FSIP2: variants seen among roughly 807,000 people sequenced by gnomAD.
The protein encoded by FSIP2 is fibrous sheath-interacting protein 2.
In FSIP2, 367 loss-of-function variants were observed where a neutral mutation model predicts 510.5. That is an observed-to-expected ratio of 0.72 (90% confidence interval 0.66 to 0.78). The LOEUF is 0.78. FSIP2 is among the 30% of genes least tolerant of loss of function. FSIP2 has a pLI of 0.00. For missense variants in FSIP2, 7,594 were observed against 7,901.7 expected, an observed-to-expected ratio of 0.96 and a Z score of 1.48; for synonymous variants, 2,601 against 2,732.2, an observed-to-expected ratio of 0.95 and a Z score of 1.50.
At chr2:185,813,246 A>G (rs1420879095) in intron 17 of FSIP2, among the ~76,000 whole-genome samples, 1 of 152,028 alleles carries the variant, frequency 6.6e-6, no homozygotes, top group East Asian at 1.9e-4. Flanking sequence ...CAAAACTTTC[A>G]AGGTACATGA....
intron 6 of FSIP2, among the ~76,000 whole-genome samples, chr2:185,747,015 T>C (rs935609742): frequency 3.9e-5 from 6 of 152,120 alleles, no homozygotes; most frequent in Admixed American, 6.6e-5. Context: ...TATAAGCCAA[T>C]TTCTGCTCTT....
At chr2:185,771,511 G>T (rs1310932082) in intron 13 of FSIP2, among the ~76,000 whole-genome samples, 1 of 152,122 alleles carries the variant, frequency 6.6e-6, no homozygotes, top group Non-Finnish European at 1.5e-5. Context: ...ATTGTACCTG[G>T]GCCCTTTGAG....
Position 185,793,578 on chromosome 2 carries a change from C to A in FSIP2, c.6442C>A (p.Pro2148Thr). The A allele has an allele frequency of 6.5e-7, 1 of 1,534,148 alleles. No homozygotes were observed. The highest frequency in any genetic ancestry group is 8.7e-7 in the Non-Finnish European group (1 of 1,145,620). Residue 2148 changes from proline (P) to threonine (T), a missense_variant, in exon 16 of 23, where the codon CCT becomes ACT. By Grantham distance (38) the Pro-to-Thr change is conservative. Transcript: ENST00000424728. ...TAAGATTATTCCTAAGCTTTCAGTT[C>A]CTAAATCAGATGTCATTTTGATATC... ...ANKIIPKLSV[P>T]KSDVILISND...
rs560325935 is a variant in FSIP2 at position 185,770,241 on chromosome 2, G to C, written c.1411+5676G>C. Among the ~76,000 whole-genome samples, 16 of 152,124 alleles carry C rather than the reference G, an allele frequency of 1.1e-4. No individual in the cohort carries two copies. In the South Asian group the frequency reaches 2.9e-3, roughly 28 times the overall value. On this transcript the variant is annotated intron_variant, in intron 13 of 22. Coordinates refer to ENST00000424728, the MANE Select transcript of FSIP2 (RefSeq NM_173651.4). Reference sequence around the variant, plus strand: ...TTTCTACTTGTTTGTGTCATCTCTGGTTTCTTTGAGCAGTGTTTTGTAATT... The same window carrying C: ...TTTCTACTTGTTTGTGTCATCTCTGCTTTCTTTGAGCAGTGTTTTGTAATT...
intron 5 of FSIP2, among the ~76,000 whole-genome samples, chr2:185,746,458 GGAGA>G (rs1692036225): frequency 6.6e-6 from 1 of 152,004 alleles, no homozygotes; most frequent in African/African-American, 2.4e-5. Flanking sequence ...CTTGTGTAGT[GGAGA>G]GACCTTATAA....
In FSIP2 at chr2:185,804,345, C is replaced by A; in HGVS notation, c.15039C>A (p.Phe5013Leu). The change falls in exon 17 of 23, where the codon TTC becomes TTA. Residue 5013 changes from phenylalanine to leucine, a missense_variant. Transcript: ENST00000424728. ...ATAACTTTGATAAAAATTTGTGTTT[C>A]TCAGAAAGATACAAAGAAATGGTTC... ...VADNFDKNLC[F>L]SERYKEMVQK... is the part of the protein sequence containing the mutation. The A allele has an allele frequency of 6.6e-7, 1 of 1,505,168 alleles. No individual in the cohort carries two copies. Among genetic ancestry groups the A allele is most frequent in the Non-Finnish European group, 8.8e-7 (1 of 1,134,446 alleles). 93.2% of individuals were successfully genotyped at this position (1,505,168 alleles called of 1,614,324 possible). A position where few individuals can be genotyped will look rare whatever the true frequency, so the allele number is the denominator to read the frequency against.
chr2:185,787,032 G>A (rs1019429), intron 15 of FSIP2, among the ~76,000 whole-genome samples: 75,885 of 151,404 alleles, frequency 0.5, 19,521 homozygotes, highest in South Asian at 0.64. Flanking sequence ...TCTCTTCGCC[G>A]TAACTAACCT....
Position 185,793,375 on chromosome 2 carries a change from C to A in FSIP2, c.6239C>A (p.Thr2080Asn). 6.5e-7 allele frequency: 1 copy of A among 1,533,714 alleles called. No homozygotes were observed. Among genetic ancestry groups the A allele is most frequent in the Non-Finnish European group, 8.7e-7 (1 of 1,145,414 alleles). The change falls in exon 16 of 23, where the codon ACC (threonine) becomes AAC (asparagine). Residue 2080 changes from threonine (T) to asparagine (N), a missense_variant. Coordinates refer to ENST00000424728, the MANE Select transcript of FSIP2 (RefSeq NM_173651.4). ...GTTATTGAAAAGCTGCTCAATGAGA[C>A]CAAATATCGAAAAGTACTTCAACTT... ...KGVIEKLLNE[T>N]KYRKVLQLQI...
chr2:185,756,330 G>T (rs1191498665), intron 9 of FSIP2, 52 bp downstream of exon 9: 19 of 640,666 alleles, frequency 3.0e-5, no homozygotes, highest in Non-Finnish European at 2.4e-5. Context: ...TAATTTGGGG[G>T]AAAGACAGTT....
Position 185,800,649 on chromosome 2 carries a change from G to T in FSIP2, c.11343G>T (p.Glu3781Asp). The change falls in exon 17 of 23, where the codon GAG (glutamate) becomes GAT (aspartate). Residue 3781 changes from glutamate to aspartate, a missense_variant. Glu to Asp is a conservative substitution (Grantham distance 45). Coordinates refer to ENST00000424728, the MANE Select transcript of FSIP2 (RefSeq NM_173651.4). ...TAFPDKGSVSEETSAEECQLL... is the reference protein window; with the variant it reads ...TAFPDKGSVSDETSAEECQLL... ...TTCCTGATAAAGGGTCTGTTTCAGA[G>T]GAAACATCAGCAGAAGAATGTCAAC... The T allele has an allele frequency of 6.5e-7, 1 of 1,534,056 alleles. No individual in the cohort carries two copies. The highest frequency in any genetic ancestry group is 8.7e-7 in the Non-Finnish European group (1 of 1,145,616).
intron 19 of FSIP2, 46 bp downstream of exon 19, chr2:185,815,517 G>T: frequency 1.1e-6 from 1 of 916,956 alleles, no homozygotes; most frequent in South Asian, 1.7e-5. Flanking sequence ...TGATAAAGTA[G>T]AGCTTATGAG....
rs1355763561 is a variant in FSIP2, at chr2:185,790,221, G to A, written c.3085G>A (p.Glu1029Lys). ...TFKDEKVKSQEQIPNHWFTKG... is the reference protein window; with the variant it reads ...TFKDEKVKSQKQIPNHWFTKG... ...CAAAGATGAAAAAGTAAAATCACAA[G>A]AACAGATTCCTAATCATTGGTTTAC... Residue 1029 changes from glutamate to lysine, a missense_variant, in exon 16 of 23, where the codon GAA (glutamate) becomes AAA (lysine). Glu to Lys is a moderately conservative substitution (Grantham distance 56). Transcript: ENST00000424728. 1 of 1,531,820 alleles carries A rather than the reference G, an allele frequency of 6.5e-7. No individual in the cohort carries two copies. Among genetic ancestry groups the A allele is most frequent in the Admixed American group, 2.0e-5 (1 of 50,402 alleles). The allele number at this position is 1,531,820 out of a possible 1,614,324, so 94.9% of individuals were successfully genotyped here.
In FSIP2 at chr2:185,789,927, A is replaced by G. The variant is rs1420090185; in HGVS notation, c.2791A>G (p.Thr931Ala). ...NNERIIASEE[T>A]VVLLQLLEDI... Reference sequence around the variant, plus strand: ...TGAGAGAATTATTGCATCTGAAGAAACCGTAGTACTCCTTCAGCTACTTGA... The same window carrying G: ...TGAGAGAATTATTGCATCTGAAGAAGCCGTAGTACTCCTTCAGCTACTTGA... Residue 931 changes from threonine to alanine, a missense_variant, in exon 16 of 23, where the codon ACC (threonine) becomes GCC (alanine). Coordinates refer to ENST00000424728, the MANE Select transcript of FSIP2 (RefSeq NM_173651.4). 7 of 1,533,726 alleles carry G rather than the reference A, an allele frequency of 4.6e-6. No individual in the cohort carries two copies. The Admixed American group carries it at 1.4e-4, about 30-fold the overall frequency.
chr2:185,827,240 C>A (rs1391228755), intron 20 of FSIP2, among the ~76,000 whole-genome samples: 1 of 151,784 alleles, frequency 6.6e-6, no homozygotes, highest in African/African-American at 2.4e-5. Flanking sequence ...CATATTTGAG[C>A]TGATTGAGAT....
rs1175317289 is a variant in FSIP2 at position 185,738,856 on chromosome 2, G to A, written c.-39G>A. On this transcript the variant is annotated 5_prime_UTR_variant, in exon 1 of 23. Transcript: ENST00000424728. ...CAACGGGGTGCTAGAGAAGGAGAGC[G>A]GGGCGGGTGAGGAAGGGGCTGAGGG... 8 of 1,530,046 alleles carry A rather than the reference G, an allele frequency of 5.2e-6. No individual in the cohort carries two copies. The African/African-American group carries it at 9.8e-5, about 19-fold the overall frequency. 94.8% of individuals were successfully genotyped at this position (1,530,046 alleles called of 1,614,324 possible).
Position 185,745,417 on chromosome 2 carries a change from T to C in FSIP2, c.478-12T>C. On this transcript the variant is annotated splice_polypyrimidine_tract_variant and intron_variant, in intron 4 of 22. Coordinates refer to ENST00000424728, the MANE Select transcript of FSIP2 (RefSeq NM_173651.4). ...GCATTATATATATGTAATACACACA[T>C]TTCTTAAATAGAGAATACTTGCAAA... 6.7e-7 allele frequency: 1 copy of C among 1,496,976 alleles called. No individual in the cohort carries two copies. Among genetic ancestry groups the C allele is most frequent in the Non-Finnish European group, 9.0e-7 (1 of 1,114,214 alleles). 92.7% of individuals were successfully genotyped at this position (1,496,976 alleles called of 1,614,324 possible).
chr2:185,806,967 A>C lies in FSIP2; in HGVS notation c.17661A>C (p.Ala5887=). The C allele has an allele frequency of 1.2e-6, 2 of 1,611,186 alleles. No individual in the cohort carries two copies. Among genetic ancestry groups the C allele is most frequent in the Non-Finnish European group, 1.7e-6 (2 of 1,178,650 alleles). Residue 5887 remains alanine (A), a synonymous_variant, in exon 17 of 23, where the codon GCA becomes GCC. Transcript: ENST00000424728. The part of the protein sequence containing the change: ...EAPSSIKIKS[A]DKMPPMHKMM... ...CATCCAGCATTAAGATAAAATCTGCAGATAAAATGCCACCTATGCATAAAA... is the reference window on the plus strand; with the variant it reads ...CATCCAGCATTAAGATAAAATCTGCCGATAAAATGCCACCTATGCATAAAA...
At chr2:185,746,841 G>GA (rs1692043727) in intron 6 of FSIP2, 31 bp downstream of exon 6, 4 of 1,394,894 alleles carry the variant, frequency 2.9e-6, no homozygotes, top group Non-Finnish European at 3.8e-6. Context: ...AATATTAACA[G>GA]AAAAATTGTG....
intron 11 of FSIP2, 128 bp downstream of exon 11, chr2:185,762,145 A>C (rs1432550830): frequency 5.9e-6 from 3 of 506,144 alleles, no homozygotes; most frequent in African/African-American, 1.9e-5. Flanking sequence ...GGCTGATATA[A>C]ATTTTTTATG....
Sources: gnomAD v4.1 joint callset for allele counts (sites outside exome capture counted in the v4.1 genomes callset) on GRCh38, gnomAD v4.1.1 for gene constraint, MANE v1.5 for transcripts, NCBI Gene and HGNC (gene_info 2026-07-23, HGNC 2026-07-21) for gene names.